SLC25A36: variants seen among roughly 807,000 people sequenced by gnomAD.
The protein encoded by SLC25A36 is epididymis secretory sperm binding protein.
SLC25A36 carries 24 observed loss-of-function variants against 35.3 expected under a neutral mutation model. That is an observed-to-expected ratio of 0.68 (90% CI 0.49 to 0.96). The LOEUF (loss-of-function observed/expected upper bound fraction) is 0.96. SLC25A36 is among the 40% of genes least tolerant of loss of function. SLC25A36 has a pLI of 0.00. For synonymous variants in SLC25A36, 141 were observed against 132.2 expected, an observed-to-expected ratio of 1.07 and a Z score of -0.46; for missense variants, 294 against 381.1, an observed-to-expected ratio of 0.77 and a Z score of 1.90.
rs907680686 is a variant in SLC25A36 at position 140,976,323 on chromosome 3, C to A, written c.806C>A (p.Ser269Tyr). The change falls in exon 7 of 7, where the codon TCT (serine) becomes TAT (tyrosine). Residue 269 changes from serine to tyrosine, a missense_variant. Transcript: ENST00000324194. ...TACAGATCTTTTTTTCAGACTCTAT[C>A]TTTGCTTGTTCAAGAAGAAGGTTAT... The part of the protein sequence containing the change: ...TKYRSFFQTL[S>Y]LLVQEEGYGS... 11 of 1,613,382 alleles carry A rather than the reference C, an allele frequency of 6.8e-6. No homozygotes were observed. The highest frequency in any genetic ancestry group is 7.6e-6 in the Non-Finnish European group (9 of 1,179,694).
Position 140,976,583 on chromosome 3 carries a change from T to C in SLC25A36, c.*130T>C. 2.9e-6 allele frequency: 2 copies of C among 697,086 alleles called. No individual in the cohort carries two copies. Among genetic ancestry groups the C allele is most frequent in the Non-Finnish European group, 4.4e-6 (2 of 459,240 alleles). 43.2% of individuals were successfully genotyped at this position (697,086 alleles called of 1,614,324 possible). On this transcript the variant is annotated 3_prime_UTR_variant, in exon 7 of 7. Coordinates refer to ENST00000324194, the MANE Select transcript of SLC25A36 (RefSeq NM_001104647.3). ...CATGTAACTATTCTAAGTGGAAGTT[T>C]TGTTGTAGGAATTATAGTAATCACA...
chr3:140,953,396 TG>T lies in SLC25A36; in HGVS notation c.42-3121del, dbSNP rs57713122. 4.9e-3 allele frequency among the ~76,000 whole-genome samples: 687 copies of T among 139,108 alleles called. 7 individuals are homozygous for T. The highest frequency in any genetic ancestry group is 0.015 in the African/African-American group (566 of 38,176). 91.3% of individuals were successfully genotyped at this position (139,108 alleles called of 152,430 possible). ...GTATAATTGTGGTTTCGACATTTTT[TG>T]GGGGGGGGGTTAAATTTTTTCAACT... On this transcript the variant is annotated intron_variant, in intron 1 of 6. Coordinates refer to ENST00000324194, the MANE Select transcript of SLC25A36 (RefSeq NM_001104647.3).
intron 2 of SLC25A36, among the ~76,000 whole-genome samples, chr3:140,957,902 GT>G (rs1438825414): frequency 6.6e-6 from 1 of 152,034 alleles, no homozygotes; most frequent in Non-Finnish European, 1.5e-5. Flanking sequence ...TTTTTCAGTA[GT>G]TTTGCCTTCC....
At chr3:140,945,910 A>G (rs1007535194) in intron 1 of SLC25A36, among the ~76,000 whole-genome samples, 20 of 152,302 alleles carry the variant, frequency 1.3e-4, no homozygotes, top group Middle Eastern at 3.4e-3. Context: ...CGTTGTTTCA[A>G]TTGCAGGCTA....
At chr3:140,971,959 A>G (rs888252895) in intron 5 of SLC25A36, among the ~76,000 whole-genome samples, 2 of 152,288 alleles carry the variant, frequency 1.3e-5, no homozygotes, top group Non-Finnish European at 2.9e-5. Context: ...TCTGTTTTCC[A>G]TCTTCTGTTA....
chr3:140,952,392 G>A (rs1480459916), intron 1 of SLC25A36, among the ~76,000 whole-genome samples: 1 of 151,940 alleles, frequency 6.6e-6, no homozygotes, highest in African/African-American at 2.4e-5. Flanking sequence ...CTCAAGTGAT[G>A]TTACCACCTC....
At chr3:140,975,750 A>G (rs1268607717) in intron 6 of SLC25A36, among the ~76,000 whole-genome samples, 1 of 152,192 alleles carries the variant, frequency 6.6e-6, no homozygotes, top group African/African-American at 2.4e-5. Flanking sequence ...TGGGTTTTAT[A>G]GCTGGCAGCT....
chr3:140,968,012 T>G, intron 4 of SLC25A36: 1 of 985,116 alleles, frequency 1.0e-6, no homozygotes, highest in African/African-American at 1.7e-5. Flanking sequence ...AGGGGCACCA[T>G]TCCCAGTATC....
rs1398308576 is a variant in SLC25A36 at position 140,959,047 on chromosome 3, C to T, written c.207-416C>T. Among the ~76,000 whole-genome samples, 122 of 127,538 alleles carry T rather than the reference C, an allele frequency of 9.6e-4. 2 individuals are homozygous for T. The highest frequency in any genetic ancestry group is 2.9e-3 in the African/African-American group (97 of 33,156). The allele number at this position is 127,538 out of a possible 152,430, so 83.7% of individuals were successfully genotyped here. The stretch of plus-strand genomic sequence containing the variant: ...TTTTTTTTTTTTGGAGACAGAGTTT[C>T]GCTCTGTCTCCAGGCTGGAGTGCAG... On this transcript the variant is annotated intron_variant, in intron 2 of 6. Transcript: ENST00000324194.
chr3:140,965,835 G>A (rs1934744214), intron 4 of SLC25A36: 1 of 151,538 alleles, frequency 6.6e-6, no homozygotes, highest in Non-Finnish European at 1.5e-5. Context: ...GAGGGTATCT[G>A]TTTTGTTGCC....
At chr3:140,970,389 G>A (rs1559816609) in intron 4 of SLC25A36, 2 of 152,154 alleles carry the variant, frequency 1.3e-5, no homozygotes, top group Non-Finnish European at 2.9e-5. Context: ...GTATTAGTAT[G>A]TATATATGTA....
At position 140,959,499 on chromosome 3, in the gene SLC25A36, T is replaced by C. The variant is rs770075791; in HGVS notation, c.243T>C (p.Phe81=). 5.9e-6 allele frequency: 9 copies of C among 1,516,010 alleles called. No homozygotes were observed. Among genetic ancestry groups the C allele is most frequent in the Non-Finnish European group, 7.9e-6 (9 of 1,142,720 alleles). 93.9% of individuals were successfully genotyped at this position (1,516,010 alleles called of 1,614,324 possible). ...ILEKEGPRSL[F]RGLGPNLVGV... ...AAAAAGAAGGGCCTCGTTCCTTGTT[T>C]AGAGGACTAGGCCCCAATTTAGTGG... Residue 81 remains phenylalanine, a synonymous_variant, in exon 3 of 7, where the codon TTT becomes TTC. Coordinates refer to ENST00000324194, the MANE Select transcript of SLC25A36 (RefSeq NM_001104647.3).
chr3:140,947,694 T>A (rs1277987250), intron 1 of SLC25A36, among the ~76,000 whole-genome samples: 2 of 152,220 alleles, frequency 1.3e-5, no homozygotes, highest in Non-Finnish European at 2.9e-5. Context: ...AACGTGTTAA[T>A]TTTTTCCTGC....
rs1576492976 is a variant in SLC25A36 at position 140,980,131 on chromosome 3, G to T, written c.*3678G>T. 1.3e-5 allele frequency among the ~76,000 whole-genome samples: 2 copies of T among 152,214 alleles called. No homozygotes were observed. The highest frequency in any genetic ancestry group is 4.1e-4 in the South Asian group (2 of 4,820). ...TAGTGATGTCTGAAGGAACCCAAAG[G>T]TCAAGTAATCCAACTCCCTCATAGT... On this transcript the variant is annotated 3_prime_UTR_variant, in exon 7 of 7. Coordinates refer to ENST00000324194, the MANE Select transcript of SLC25A36 (RefSeq NM_001104647.3).
intron 2 of SLC25A36, 33 bp downstream of exon 2, chr3:140,956,724 T>C: frequency 6.5e-6 from 10 of 1,544,576 alleles, no homozygotes; most frequent in Non-Finnish European, 8.7e-6. Flanking sequence ...TGTTTTTTAG[T>C]TTGTTTGCGT....
At chr3:140,942,783 G>A (rs938288531) in intron 1 of SLC25A36, 5 of 152,232 alleles carry the variant, frequency 3.3e-5, no homozygotes, top group African/African-American at 1.2e-4. Context: ...GTATTCTCCC[G>A]TGGTTGCTGT....
chr3:140,973,878 G>A lies in SLC25A36; in HGVS notation c.615G>A (p.Leu205=). ...ATGAAAGTATAAAACAAAAACTACT[G>A]GAATATAAGACTGCTTCTACAATGG... ...VIYESIKQKL[L]EYKTASTMEN... The change falls in exon 6 of 7, where the codon CTG becomes CTA. Residue 205 remains leucine, a synonymous_variant. Coordinates refer to ENST00000324194, the MANE Select transcript of SLC25A36 (RefSeq NM_001104647.3). 6.2e-7 allele frequency: 1 copy of A among 1,613,260 alleles called. No individual in the cohort carries two copies. Among genetic ancestry groups the A allele is most frequent in the Non-Finnish European group, 8.5e-7 (1 of 1,179,586 alleles).
intron 3 of SLC25A36, 61 bp from the exon 4 acceptor site, chr3:140,963,066 T>A: frequency 9.5e-7 from 1 of 1,047,392 alleles, no homozygotes; most frequent in South Asian, 1.7e-5. Flanking sequence ...GAAGATCAAT[T>A]TATATGTAAA....
chr3:140,953,664 G>C lies in SLC25A36; in HGVS notation c.42-2863G>C, dbSNP rs186055791. On this transcript the variant is annotated intron_variant, in intron 1 of 6. Coordinates refer to ENST00000324194, the MANE Select transcript of SLC25A36 (RefSeq NM_001104647.3). Reference sequence around the variant, plus strand: ...ATAAAGTCATTTAAACACTACCATAGTCAGGATATTGGCTGGGCCTAGTGG... The same window carrying C: ...ATAAAGTCATTTAAACACTACCATACTCAGGATATTGGCTGGGCCTAGTGG... Among the ~76,000 whole-genome samples, 4 of 152,242 alleles carry C rather than the reference G, an allele frequency of 2.6e-5. No homozygotes were observed. The East Asian group carries it at 7.7e-4, about 29-fold the overall frequency.
Sources: gnomAD v4.1 joint callset for allele counts (sites outside exome capture counted in the v4.1 genomes callset) on GRCh38, gnomAD v4.1.1 for gene constraint, MANE v1.5 for transcripts, NCBI Gene and HGNC (gene_info 2026-07-23, HGNC 2026-07-21) for gene names.